Variants in DPP10 observed in about 807,000 individuals in gnomAD.
DPP10 encodes inactive dipeptidyl peptidase 10.
DPP10 carries 33 observed loss-of-function variants against 120.9 expected under a neutral mutation model. The observed-to-expected ratio is 0.27, with a 90% CI of 0.21 to 0.37. DPP10 has a LOEUF of 0.37. Among genes scored for constraint, DPP10 ranks in the 10% least tolerant of loss-of-function variants. DPP10 has a pLI of 1.00. For missense variants in DPP10, 816 were observed against 942.8 expected, an observed-to-expected ratio of 0.87 and a Z score of 1.76; for synonymous variants, 337 against 326.1, an observed-to-expected ratio of 1.03 and a Z score of -0.36.
chr2:115,022,610 A>G (rs532216818), intron 1 of DPP10, among the ~76,000 whole-genome samples: 25 of 152,168 alleles, frequency 1.6e-4, no homozygotes, highest in Admixed American at 1.1e-3. Context: ...AATTTCCATC[A>G]AAATACCACC....
intron 1 of DPP10, among the ~76,000 whole-genome samples, chr2:114,587,214 T>C: frequency 6.8e-6 from 1 of 146,812 alleles, no homozygotes; most frequent in Non-Finnish European, 1.5e-5. Flanking sequence ...GGCAGGAAAA[T>C]CGCTTGAACC....
At chr2:114,771,541 G>A (rs757027435) in intron 1 of DPP10, among the ~76,000 whole-genome samples, 3 of 152,160 alleles carry the variant, frequency 2.0e-5, no homozygotes, top group Non-Finnish European at 4.4e-5. Flanking sequence ...GAGCACAAAC[G>A]ATCTTGTGAA....
At chr2:114,886,784 T>C (rs971576070) in intron 1 of DPP10, among the ~76,000 whole-genome samples, 2 of 152,212 alleles carry the variant, frequency 1.3e-5, no homozygotes, top group African/African-American at 2.4e-5. Flanking sequence ...TCTGCAGTCA[T>C]GTAGTCGAGG....
At chr2:115,102,243 C>T (rs757768018) in intron 1 of DPP10, among the ~76,000 whole-genome samples, 11 of 152,180 alleles carry the variant, frequency 7.2e-5, no homozygotes, top group Admixed American at 3.3e-4. Context: ...TCTCTTCTTT[C>T]ACTCACAGGG....
intron 5 of DPP10, among the ~76,000 whole-genome samples, chr2:115,656,376 G>A (rs2088343153): frequency 6.6e-6 from 1 of 151,340 alleles, no homozygotes; most frequent in South Asian, 2.1e-4. Flanking sequence ...GGCTCAAATT[G>A]GTGCTAATTT....
intron 1 of DPP10, among the ~76,000 whole-genome samples, chr2:115,211,771 G>T (rs1251977987): frequency 6.6e-6 from 1 of 152,122 alleles, no homozygotes; most frequent in Non-Finnish European, 1.5e-5. Flanking sequence ...AGAAACAAAT[G>T]ATATCCATAT....
intron 1 of DPP10, among the ~76,000 whole-genome samples, chr2:115,128,251 A>G (rs2050175549): frequency 6.6e-6 from 1 of 152,038 alleles, no homozygotes; most frequent in Non-Finnish European, 1.5e-5. Flanking sequence ...TTCCTCCTTC[A>G]CGTCTGTATT....
chr2:114,787,697 C>T (rs1682878737), intron 1 of DPP10, among the ~76,000 whole-genome samples: 1 of 152,158 alleles, frequency 6.6e-6, no homozygotes, highest in Non-Finnish European at 1.5e-5. Context: ...CTTCTGAGAC[C>T]AAAACCTCTC....
chr2:115,797,594 TC>T (rs1218287675), intron 19 of DPP10, among the ~76,000 whole-genome samples: 4 of 152,030 alleles, frequency 2.6e-5, no homozygotes, highest in Non-Finnish European at 5.9e-5. Flanking sequence ...TGTATCTTTG[TC>T]ATTTACATGG....
At chr2:115,286,633 G>A (rs1290547792) in intron 1 of DPP10, among the ~76,000 whole-genome samples, 2 of 146,454 alleles carry the variant, frequency 1.4e-5, no homozygotes, top group Non-Finnish European at 3.0e-5. Flanking sequence ...ATTGTGGGGT[G>A]TGTGTCGAGG....
intron 1 of DPP10, among the ~76,000 whole-genome samples, chr2:115,121,810 A>AAAGAC (rs1406584795): frequency 1.3e-5 from 2 of 152,130 alleles, no homozygotes; most frequent in Non-Finnish European, 2.9e-5. Flanking sequence ...CTAGGTTTTG[A>AAAGAC]AAGACTGAGG....
chr2:115,486,408 A>G (rs1452943023), intron 3 of DPP10, among the ~76,000 whole-genome samples: 1 of 152,174 alleles, frequency 6.6e-6, no homozygotes, highest in Non-Finnish European at 1.5e-5. Context: ...TGCAGTTTAG[A>G]TGTTACTTTA....
At chr2:115,249,504 G>T (rs1309333965) in intron 1 of DPP10, among the ~76,000 whole-genome samples, 1 of 152,106 alleles carries the variant, frequency 6.6e-6, no homozygotes, top group Non-Finnish European at 1.5e-5. Flanking sequence ...GAGAAATGAG[G>T]TTGAAAATGC....
In DPP10 at chr2:114,818,241, C is replaced by T. The variant is rs182728732; in HGVS notation, c.60+375403C>T. Among the ~76,000 whole-genome samples, 5 of 151,990 alleles carry T rather than the reference C, an allele frequency of 3.3e-5. No homozygotes were observed. The East Asian group carries it at 9.7e-4, about 29-fold the overall frequency. The stretch of plus-strand genomic sequence containing the variant: ...AAAAATGAAATCTCTCTTTAGCCTG[C>T]CAAAAGAAAAAATTATAAAAACAGG... On this transcript the variant is annotated intron_variant, in intron 1 of 25. Coordinates refer to ENST00000410059, the MANE Select transcript of DPP10 (RefSeq NM_020868.6).
At chr2:114,756,340 T>A (rs1474993129) in intron 1 of DPP10, among the ~76,000 whole-genome samples, 1 of 152,138 alleles carries the variant, frequency 6.6e-6, no homozygotes, top group Admixed American at 6.5e-5. Flanking sequence ...AGGCAGGAAT[T>A]TTTCCATGAG....
intron 1 of DPP10, among the ~76,000 whole-genome samples, chr2:115,018,496 C>T (rs1359082775): frequency 6.6e-6 from 1 of 152,048 alleles, no homozygotes; most frequent in African/African-American, 2.4e-5. Context: ...GAAAATGTGA[C>T]ACATATACAT....
chr2:114,889,039 G>A (rs148703184), intron 1 of DPP10, among the ~76,000 whole-genome samples: 2 of 152,238 alleles, frequency 1.3e-5, no homozygotes, highest in East Asian at 1.9e-4. Context: ...GTGTCTTTAC[G>A]AGAAGGCATT....
chr2:115,052,576 G>A (rs1369134550), intron 1 of DPP10, among the ~76,000 whole-genome samples: 1 of 152,182 alleles, frequency 6.6e-6, no homozygotes, highest in East Asian at 1.9e-4. Flanking sequence ...TTGAAAAGAT[G>A]CTCAGCATCA....
chr2:115,777,829 G>A lies in DPP10; in HGVS notation c.1356G>A (p.Leu452=), dbSNP rs1682295897. 6.2e-7 allele frequency: 1 copy of A among 1,613,254 alleles called. No individual in the cohort carries two copies. The highest frequency in any genetic ancestry group is 8.5e-7 in the Non-Finnish European group (1 of 1,179,412). The change falls in exon 15 of 26, where the codon CTG becomes CTA. Residue 452 remains leucine, a synonymous_variant. Coordinates refer to ENST00000410059, the MANE Select transcript of DPP10 (RefSeq NM_020868.6). ...AATCTTCTCCCAGAGGAAGGCAGCT[G>A]TACAGGTAAGCAGTGTGCAAGGATC... The part of the protein sequence containing the change: ...STESSPRGRQ[L]YSASTEGLLN...
Sources: allele counts gnomAD v4.1 joint callset (sites outside exome capture counted in the v4.1 genomes callset), GRCh38; gene constraint gnomAD v4.1.1; transcripts MANE v1.5; gene names NCBI Gene and HGNC (gene_info 2026-07-23, HGNC 2026-07-21).